Variants in SLC6A6 observed in about 807,000 individuals in gnomAD.
SLC6A6 encodes solute carrier family 6 member 6, also known as sodium- and chloride-dependent taurine transporter.
SLC6A6 carries 16 observed loss-of-function variants against 68.8 expected under a neutral mutation model. That is an observed-to-expected ratio of 0.23 (90% confidence interval 0.16 to 0.35). The LOEUF is 0.35. Among genes scored for constraint, SLC6A6 ranks in the 10% least tolerant of loss-of-function variants. The pLI is 1.00. For missense variants in SLC6A6, 474 were observed against 802.8 expected (o/e 0.59, Z 4.95); for synonymous variants, 312 against 315.4 (o/e 0.99, Z 0.12).
intron 5 of SLC6A6, among the ~76,000 whole-genome samples, chr3:14,449,158 G>A (rs1371534906): frequency 6.6e-6 from 1 of 152,356 alleles, no homozygotes; most frequent in East Asian, 1.9e-4. Context: ...CTGGGACATC[G>A]TTGGCAAAGA....
At chr3:14,456,643 C>T (rs963535144) in intron 5 of SLC6A6, among the ~76,000 whole-genome samples, 1 of 152,138 alleles carries the variant, frequency 6.6e-6, no homozygotes, top group Non-Finnish European at 1.5e-5. Context: ...GGGGGTAATC[C>T]CACGGACTGG....
At chr3:14,460,994 C>T (rs1351268519) in intron 6 of SLC6A6, among the ~76,000 whole-genome samples, 1 of 152,240 alleles carries the variant, frequency 6.6e-6, no homozygotes, top group Non-Finnish European at 1.5e-5. Context: ...GTGTCTAGTC[C>T]AGCAAGGAGG....
intron 1 of SLC6A6, among the ~76,000 whole-genome samples, chr3:14,407,504 CT>C (rs1027439062): frequency 4.0e-5 from 6 of 148,624 alleles, no homozygotes; most frequent in Non-Finnish European, 7.5e-5. Context: ...TCTCCGTTTT[CT>C]TTTTCTTTTT....
In SLC6A6 at chr3:14,402,800, A is replaced by T; in HGVS notation, c.-101A>T. On this transcript the variant is annotated 5_prime_UTR_variant, in exon 1 of 15. Coordinates refer to ENST00000622186, the MANE Select transcript of SLC6A6 (RefSeq NM_003043.6). The surrounding 1 kb of genome is among the most constrained non-coding windows in gnomAD (Gnocchi z 4.8). ...CGGGCAGGCAGCCCCCGGCCGGCGG[A>T]ACCCGGCACAGCCGAGCAGAGCGCG... 2.5e-6 allele frequency: 1 copy of T among 397,904 alleles called. No individual in the cohort carries two copies. 24.6% of individuals were successfully genotyped at this position (397,904 alleles called of 1,614,324 possible).
Position 14,467,865 on chromosome 3 carries a change from G to A in SLC6A6, c.880G>A (p.Ala294Thr), listed in dbSNP as rs200333330. 4 of 1,610,834 alleles carry A rather than the reference G, an allele frequency of 2.5e-6. No homozygotes were observed. The highest frequency in any genetic ancestry group is 1.3e-5 in the African/African-American group (1 of 74,898). The part of the protein sequence containing the change: ...RLEDPQVWID[A>T]GTQIFFSYAI... The stretch of plus-strand genomic sequence containing the variant: ...CTCCCCCTCATAGGTGTGGATTGAC[G>A]CTGGGACTCAGATATTCTTCTCTTA... The change falls in exon 8 of 15, where the codon GCT becomes ACT. Residue 294 changes from alanine (A) to threonine (T), a missense_variant. By Grantham distance (58) the Ala-to-Thr change is moderately conservative. Around this residue, in one of 2 missense-constraint regions of SLC6A6, gnomAD observed 280 missense variants for 533.1 expected, o/e 0.53. Transcript: ENST00000622186.
At chr3:14,417,863 TCA>T (rs2124907357) in intron 2 of SLC6A6, among the ~76,000 whole-genome samples, 1 of 152,320 alleles carries the variant, frequency 6.6e-6, no homozygotes, top group South Asian at 2.1e-4. Flanking sequence ...ACTGATTGTC[TCA>T]GTGTTTACAG....
intron 1 of SLC6A6, among the ~76,000 whole-genome samples, chr3:14,409,266 G>A (rs753955674): frequency 5.3e-5 from 8 of 152,194 alleles, no homozygotes; most frequent in Non-Finnish European, 1.0e-4. Flanking sequence ...CTGACTTTGC[G>A]TGTCCTGTCT....
chr3:14,469,854 C>T (rs1215697758), intron 9 of SLC6A6, among the ~76,000 whole-genome samples: 1 of 152,184 alleles, frequency 6.6e-6, no homozygotes, highest in Non-Finnish European at 1.5e-5. Flanking sequence ...ATGTCACCCC[C>T]ACACACCTCT....
intron 2 of SLC6A6, among the ~76,000 whole-genome samples, chr3:14,442,192 C>G (rs1268655392): frequency 6.6e-6 from 1 of 152,164 alleles, no homozygotes; most frequent in Non-Finnish European, 1.5e-5. Context: ...TGTGGTCCAA[C>G]CTTCCAATTT....
chr3:14,474,548 C>T (rs768073829), intron 10 of SLC6A6, among the ~76,000 whole-genome samples: 15 of 152,206 alleles, frequency 9.9e-5, no homozygotes, highest in Non-Finnish European at 1.8e-4. Flanking sequence ...GCCCTCCTGC[C>T]GGCCCCGCAC....
chr3:14,413,259 TACATTCCAGGGA>T (rs1316683964), intron 1 of SLC6A6, among the ~76,000 whole-genome samples: 3 of 152,166 alleles, frequency 2.0e-5, no homozygotes, highest in Non-Finnish European at 4.4e-5. Context: ...ATTATTTAAA[TACATTCCAGGGA>T]ACACAGCTGG....
intron 5 of SLC6A6, 117 bp downstream of exon 5, chr3:14,447,933 G>A: frequency 1.3e-6 from 2 of 1,500,392 alleles, no homozygotes; most frequent in Non-Finnish European, 1.8e-6. Context: ...AGTGGGAGGA[G>A]GGTGCAGATC....
chr3:14,483,786 A>G (rs1031060472), intron 14 of SLC6A6, among the ~76,000 whole-genome samples: 2 of 152,098 alleles, frequency 1.3e-5, no homozygotes, highest in Non-Finnish European at 2.9e-5. Flanking sequence ...GGCTCAAGCA[A>G]TCTTCTTTCC....
At chr3:14,482,072 G>A (rs1168753324) in intron 14 of SLC6A6, among the ~76,000 whole-genome samples, 3 of 152,224 alleles carry the variant, frequency 2.0e-5, no homozygotes, top group African/African-American at 7.2e-5. Flanking sequence ...CGGGCTGTGG[G>A]GTGAGGAGGA....
chr3:14,414,390 G>T (rs1047418542), intron 1 of SLC6A6, among the ~76,000 whole-genome samples: 6 of 152,220 alleles, frequency 3.9e-5, no homozygotes, highest in Non-Finnish European at 8.8e-5. Context: ...GGAGGAGGAG[G>T]TGGGGTCAGT....
intron 5 of SLC6A6, among the ~76,000 whole-genome samples, chr3:14,452,478 A>C (rs1700275782): frequency 6.6e-6 from 1 of 152,188 alleles, no homozygotes; most frequent in Admixed American, 6.5e-5. Context: ...TCAGCACTGC[A>C]TCCTGCCTCC....
chr3:14,451,577 A>G (rs1487034262), intron 5 of SLC6A6, among the ~76,000 whole-genome samples: 1 of 152,210 alleles, frequency 6.6e-6, no homozygotes, highest in Non-Finnish European at 1.5e-5. Flanking sequence ...AGGAGGAACC[A>G]TAGAAGGTAT....
intron 2 of SLC6A6, among the ~76,000 whole-genome samples, chr3:14,421,404 A>G (rs118066727): frequency 6.6e-6 from 1 of 152,074 alleles, no homozygotes; most frequent in East Asian, 1.9e-4. Context: ...ACATCGTTTA[A>G]CCTCGCTGTG....
At chr3:14,451,744 T>G (rs1700255538) in intron 5 of SLC6A6, among the ~76,000 whole-genome samples, 1 of 152,072 alleles carries the variant, frequency 6.6e-6, no homozygotes, top group African/African-American at 2.4e-5. Flanking sequence ...TCCCTTTGGG[T>G]GAAACTTATC....
Sources: allele counts gnomAD v4.1 joint callset (sites outside exome capture counted in the v4.1 genomes callset), GRCh38; gene constraint gnomAD v4.1.1; regional missense constraint gnomAD v4.1.1; non-coding constraint Gnocchi (gnomAD v3.1); transcripts MANE v1.5; gene names NCBI Gene and HGNC (gene_info 2026-07-23, HGNC 2026-07-21).